The following LIN28B variants were observed in gnomAD, a reference collection of about 807,000 sequenced individuals.
The protein encoded by LIN28B is protein lin-28 homolog B.
LIN28B carries 5 observed loss-of-function variants against 21.9 expected under a neutral mutation model. The ratio of observed to expected loss-of-function variants is 0.23; its 90% CI spans 0.12 to 0.48. The LOEUF (loss-of-function observed/expected upper bound fraction) is 0.48, where lower values mean the gene tolerates loss of function less well. Ranked by LOEUF, LIN28B falls within the 20% of genes least tolerant of loss-of-function variation. LIN28B has a pLI of 0.98. For synonymous variants in LIN28B, 109 were observed against 111.3 expected (o/e 0.98, Z 0.13); for missense variants, 245 against 310.5 (o/e 0.79, Z 1.58).
chr6:104,953,732 G>A (rs1230153135), upstream of LIN28B, among the ~76,000 whole-genome samples: 3 of 152,196 alleles, frequency 2.0e-5, no homozygotes, highest in Non-Finnish European at 4.4e-5. Flanking sequence ...CGGCCGCCTG[G>A]GGAGCGACCT....
intron 3 of LIN28B, among the ~76,000 whole-genome samples, chr6:105,042,866 G>A (rs543393670): frequency 8.5e-5 from 13 of 152,158 alleles, no homozygotes; most frequent in Non-Finnish European, 1.6e-4. Context: ...GTACAGAGGT[G>A]GCTTTTAGCC....
Position 105,078,799 on chromosome 6 carries a change from T to A in LIN28B, c.*16T>A, listed in dbSNP as rs745471808. ...AAAGACATAACAGGTCTTCTTCATA[T>A]GTTCTTTCCTTTACCCGGTTGCAAA... On this transcript the variant is annotated 3_prime_UTR_variant, in exon 4 of 4. Coordinates refer to ENST00000345080, the MANE Select transcript of LIN28B (RefSeq NM_001004317.4). 6.2e-7 allele frequency: 1 copy of A among 1,602,010 alleles called. No homozygotes were observed. Among genetic ancestry groups the A allele is most frequent in the Admixed American group, 1.7e-5 (1 of 58,822 alleles).
intron 3 of LIN28B, among the ~76,000 whole-genome samples, chr6:105,062,098 A>G (rs1456549378): frequency 6.6e-6 from 1 of 151,606 alleles, no homozygotes; most frequent in Non-Finnish European, 1.5e-5. Flanking sequence ...TTTTATTTTT[A>G]TTCTAATGTA....
chr6:104,978,598 T>C (rs1434829967), intron 2 of LIN28B, among the ~76,000 whole-genome samples: 1 of 151,862 alleles, frequency 6.6e-6, no homozygotes, highest in African/African-American at 2.4e-5. Context: ...AATGTAGATA[T>C]GCTACAATTG....
chr6:105,077,508 T>C (rs1289755128), intron 3 of LIN28B, among the ~76,000 whole-genome samples: 1 of 152,208 alleles, frequency 6.6e-6, no homozygotes, highest in African/African-American at 2.4e-5. Flanking sequence ...TGCTTAGCTT[T>C]CCTTGCCAAG....
At chr6:105,005,068 C>T (rs1770791741) in intron 2 of LIN28B, among the ~76,000 whole-genome samples, 2 of 152,114 alleles carry the variant, frequency 1.3e-5, no homozygotes, top group East Asian at 3.9e-4. Context: ...TTTAAAGACT[C>T]CATTGGTCTG....
intron 2 of LIN28B, among the ~76,000 whole-genome samples, chr6:105,000,001 C>G (rs944709756): frequency 6.6e-6 from 1 of 152,024 alleles, no homozygotes; most frequent in Admixed American, 6.6e-5. Flanking sequence ...CTTGGCACTC[C>G]TTTTGAGGAC....
chr6:105,027,234 C>T (rs9500017), intron 3 of LIN28B, among the ~76,000 whole-genome samples: 16,023 of 151,920 alleles, frequency 0.11, 883 homozygotes, highest in African/African-American at 0.14. Flanking sequence ...ATTTCAATAC[C>T]TAGTTCTAAA....
chr6:105,007,032 T>C (rs1770831919), intron 2 of LIN28B, among the ~76,000 whole-genome samples: 1 of 152,216 alleles, frequency 6.6e-6, no homozygotes, highest in Non-Finnish European at 1.5e-5. Context: ...CTTGCCATTT[T>C]AATGGATTTT....
chr6:105,053,267 A>G (rs1771946397), intron 3 of LIN28B, among the ~76,000 whole-genome samples: 1 of 152,192 alleles, frequency 6.6e-6, no homozygotes, highest in Non-Finnish European at 1.5e-5. Context: ...TCTATCCTAG[A>G]CAGTGGCTCA....
At chr6:105,060,065 G>A (rs961512671) in intron 3 of LIN28B, among the ~76,000 whole-genome samples, 2 of 151,920 alleles carry the variant, frequency 1.3e-5, no homozygotes, top group Middle Eastern at 3.2e-3. Context: ...CACCATGGCT[G>A]GCTAATTTTG....
intron 3 of LIN28B, among the ~76,000 whole-genome samples, chr6:105,078,031 A>T (rs930843222): frequency 2.0e-5 from 3 of 152,166 alleles, no homozygotes; most frequent in Admixed American, 2.0e-4. Context: ...CTTGTTTTTA[A>T]AACTGGCTTG....
intron 3 of LIN28B, among the ~76,000 whole-genome samples, chr6:105,070,635 C>CACACACACACACACAA: frequency 6.6e-6 from 1 of 151,188 alleles, no homozygotes; most frequent in South Asian, 2.1e-4. Context: ...CACACACACA[C>CACACACACACACACAA]ACACACTGGT....
chr6:105,018,708 G>C (rs1771077690), intron 2 of LIN28B, among the ~76,000 whole-genome samples: 1 of 151,832 alleles, frequency 6.6e-6, no homozygotes, highest in Non-Finnish European at 1.5e-5. Context: ...TCATGTATTT[G>C]CTTCCTTCCT....
At chr6:105,048,944 T>C (rs1179563118) in intron 3 of LIN28B, among the ~76,000 whole-genome samples, 1 of 152,186 alleles carries the variant, frequency 6.6e-6, no homozygotes, top group East Asian at 1.9e-4. Context: ...TCTATCAGTT[T>C]TGTTGGTCTT....
At chr6:105,077,443 A>T (rs1772448958) in intron 3 of LIN28B, among the ~76,000 whole-genome samples, 1 of 148,512 alleles carries the variant, frequency 6.7e-6, no homozygotes, top group African/African-American at 2.4e-5. Context: ...TACTTTTAAT[A>T]TAAAATTTTA....
At chr6:105,011,941 C>A (rs1770932220) in intron 2 of LIN28B, among the ~76,000 whole-genome samples, 1 of 152,202 alleles carries the variant, frequency 6.6e-6, no homozygotes, top group East Asian at 1.9e-4. Flanking sequence ...AGGCAGATCA[C>A]AAGGTCAGGA....
intron 2 of LIN28B, among the ~76,000 whole-genome samples, chr6:104,958,749 T>A (rs1769644255): frequency 6.6e-6 from 1 of 152,220 alleles, no homozygotes. Flanking sequence ...CCTTTATTAT[T>A]TCATCGCTGC....
chr6:105,078,370 C>T, intron 3 of LIN28B, 44 bp from the exon 4 acceptor site: 1 of 1,536,726 alleles, frequency 6.5e-7, no homozygotes, highest in Non-Finnish European at 8.8e-7. Context: ...TTTTTGGATA[C>T]ATGCTGCCTA....
Sources: gnomAD v4.1 joint callset for allele counts (sites outside exome capture counted in the v4.1 genomes callset) on GRCh38, gnomAD v4.1.1 for gene constraint, MANE v1.5 for transcripts, NCBI Gene and HGNC (gene_info 2026-07-23, HGNC 2026-07-21) for gene names.